MACROD2: variants seen among roughly 807,000 people sequenced by gnomAD.
The protein encoded by MACROD2 is ADP-ribose glycohydrolase MACROD2.
A neutral mutation model predicts 70.4 loss-of-function variants in MACROD2; 36 were observed. The observed-to-expected ratio is 0.51, with a 90% CI of 0.39 to 0.68. The LOEUF (loss-of-function observed/expected upper bound fraction) is 0.68. Ranked by LOEUF, MACROD2 falls within the 30% of genes least tolerant of loss-of-function variation. The pLI is 0.00. For missense variants in MACROD2, 496 were observed against 538.4 expected, an observed-to-expected ratio of 0.92 and a Z score of 0.78; for synonymous variants, 172 against 178.8, an observed-to-expected ratio of 0.96 and a Z score of 0.30.
At chr20:15,886,999 G>A (rs1267548080) in intron 10 of MACROD2, among the ~76,000 whole-genome samples, 2 of 152,078 alleles carry the variant, frequency 1.3e-5, no homozygotes, top group Non-Finnish European at 2.9e-5. Flanking sequence ...CAGTCACAGT[G>A]TTCTGACCAT....
intron 5 of MACROD2, among the ~76,000 whole-genome samples, chr20:14,952,617 C>A (rs1421178515): frequency 6.6e-6 from 1 of 151,998 alleles, no homozygotes; most frequent in Non-Finnish European, 1.5e-5. Context: ...AAAAAATTTT[C>A]TTGCTTACTT....
intron 3 of MACROD2, among the ~76,000 whole-genome samples, chr20:14,410,256 G>A (rs1041355432): frequency 2.0e-5 from 3 of 149,818 alleles, no homozygotes; most frequent in Non-Finnish European, 3.0e-5. Flanking sequence ...TTAGATTCAG[G>A]GAGTACACGT....
chr20:15,423,455 TC>T (rs2046256491), intron 6 of MACROD2, among the ~76,000 whole-genome samples: 1 of 152,218 alleles, frequency 6.6e-6, no homozygotes. Flanking sequence ...CTTAGTCAGC[TC>T]AGGCTGCTAT....
chr20:15,663,491 C>T (rs191768293), intron 8 of MACROD2, among the ~76,000 whole-genome samples: 1 of 152,126 alleles, frequency 6.6e-6, no homozygotes, highest in East Asian at 1.9e-4. Flanking sequence ...CCACCTCGGC[C>T]TCCCAAAGTA....
At chr20:15,208,662 G>A (rs2076732715) in intron 5 of MACROD2, among the ~76,000 whole-genome samples, 1 of 152,128 alleles carries the variant, frequency 6.6e-6, no homozygotes, top group African/African-American at 2.4e-5. Context: ...AGGGAGGCAG[G>A]GGTGTTTTCT....
intron 3 of MACROD2, among the ~76,000 whole-genome samples, chr20:14,334,927 G>C (rs2082910244): frequency 6.6e-6 from 1 of 151,994 alleles, no homozygotes; most frequent in Admixed American, 6.6e-5. Context: ...ACCTTAAAAA[G>C]AGGCATAGAA....
intron 8 of MACROD2, among the ~76,000 whole-genome samples, chr20:15,569,604 A>AT (rs2146622928): frequency 1.3e-5 from 2 of 152,160 alleles, no homozygotes; most frequent in East Asian, 3.9e-4. Context: ...ATGAGATCAG[A>AT]TTTTTTGGAT....
intron 8 of MACROD2, among the ~76,000 whole-genome samples, chr20:15,697,336 T>A (rs2050391008): frequency 6.6e-6 from 1 of 152,204 alleles, no homozygotes; most frequent in Non-Finnish European, 1.5e-5. Context: ...GAGCAGGTTA[T>A]TTAATTTCCA....
At chr20:15,624,171 T>A (rs1447336448) in intron 8 of MACROD2, among the ~76,000 whole-genome samples, 1 of 152,180 alleles carries the variant, frequency 6.6e-6, no homozygotes, top group African/African-American at 2.4e-5. Context: ...AGTCTGATGT[T>A]TGAGGGCAGG....
intron 5 of MACROD2, among the ~76,000 whole-genome samples, chr20:14,732,390 C>T (rs1001123393): frequency 5.5e-4 from 83 of 152,018 alleles, no homozygotes; most frequent in Non-Finnish European, 2.2e-4. Context: ...TAACTTCAAC[C>T]TTGAACTGTT....
chr20:15,329,433 T>C (rs1460116277), intron 6 of MACROD2, among the ~76,000 whole-genome samples: 2 of 151,946 alleles, frequency 1.3e-5, no homozygotes, highest in Non-Finnish European at 2.9e-5. Flanking sequence ...AAAGAAATGA[T>C]CATATCCTTT....
intron 5 of MACROD2, among the ~76,000 whole-genome samples, chr20:15,095,349 A>G (rs2075823094): frequency 6.6e-6 from 1 of 151,928 alleles, no homozygotes; most frequent in African/African-American, 2.4e-5. Flanking sequence ...TGCTGGGATT[A>G]CAGGTGTGAG....
chr20:14,978,422 T>C (rs2122828117), intron 5 of MACROD2, among the ~76,000 whole-genome samples: 2 of 149,780 alleles, frequency 1.3e-5, no homozygotes, highest in East Asian at 4.0e-4. Context: ...GATATTTACA[T>C]TGTTATCAGT....
intron 6 of MACROD2, among the ~76,000 whole-genome samples, chr20:15,397,748 C>G (rs2045878440): frequency 6.6e-6 from 1 of 152,150 alleles, no homozygotes; most frequent in African/African-American, 2.4e-5. Context: ...TGGAAATTCA[C>G]AGCTTCAATG....
intron 8 of MACROD2, among the ~76,000 whole-genome samples, chr20:15,537,467 C>CTTTTTTTTTTTTTTTTTT (rs35857138): frequency 1.1e-5 from 1 of 89,930 alleles, no homozygotes; most frequent in Non-Finnish European, 2.0e-5. Flanking sequence ...TCCCACTCAT[C>CTTTTTTTTTTTTTTTTTT]TTTTTTTTTT....
chr20:15,794,972 C>T (rs547201161), intron 8 of MACROD2, among the ~76,000 whole-genome samples: 1 of 152,108 alleles, frequency 6.6e-6, no homozygotes, highest in South Asian at 2.1e-4. Context: ...TTCCTACCCC[C>T]CACCCAACCA....
At chr20:14,862,348 A>AAATATATATATAAATATATAT (rs2073352571) in intron 5 of MACROD2, among the ~76,000 whole-genome samples, 3 of 11,058 alleles carry the variant, frequency 2.7e-4, no homozygotes, top group Non-Finnish European at 4.3e-4. Context: ...TTAATATATA[A>AAATATATATATAAATATATAT]AAATATATAT....
chr20:14,974,453 T>C (rs1234853372), intron 5 of MACROD2, among the ~76,000 whole-genome samples: 2 of 152,114 alleles, frequency 1.3e-5, no homozygotes, highest in East Asian at 3.9e-4. Flanking sequence ...GAAGTGTCTA[T>C]TTACAAAGGA....
At chr20:15,691,990 T>C (rs534706804) in intron 8 of MACROD2, among the ~76,000 whole-genome samples, 2 of 152,334 alleles carry the variant, frequency 1.3e-5, no homozygotes, top group African/African-American at 4.8e-5. Flanking sequence ...ATACTTTTCA[T>C]TATATGATCA....
Sources: allele counts gnomAD v4.1 joint callset (sites outside exome capture counted in the v4.1 genomes callset), GRCh38; gene constraint gnomAD v4.1.1; transcripts MANE v1.5; gene names NCBI Gene and HGNC (gene_info 2026-07-23, HGNC 2026-07-21).